CGREF1: variants seen among roughly 807,000 people sequenced by gnomAD.
CGREF1 encodes the protein cell growth regulator with EF hand domain protein 1.
A neutral mutation model predicts 17.4 loss-of-function variants in CGREF1; 16 were observed. The observed-to-expected ratio is 0.92, with a 90% confidence interval of 0.62 to 1.40. CGREF1 has a LOEUF of 1.40. Ranked by LOEUF, CGREF1 falls within the 40% of genes most tolerant of loss-of-function variation. CGREF1 has a pLI of 0.00. For missense variants in CGREF1, 296 were observed against 376.4 expected (o/e 0.79, Z 1.77); for synonymous variants, 142 against 154.6 (o/e 0.92, Z 0.61).
Position 27,100,674 on chromosome 2 carries a change from C to A in CGREF1, c.*600G>T. Reference sequence around the variant, plus strand: ...ACGCAATCTGCCTCAATTTCTTCATCTGTCAAATGGAACCAATTCTGCTTG... The same window carrying A: ...ACGCAATCTGCCTCAATTTCTTCATATGTCAAATGGAACCAATTCTGCTTG... On this transcript the variant is annotated 3_prime_UTR_variant, in exon 6 of 6. Transcript: ENST00000402394. The A allele has an allele frequency of 9.3e-7, 1 of 1,078,076 alleles. No individual in the cohort carries two copies. The allele number at this position is 1,078,076 out of a possible 1,614,324, so 66.8% of individuals were successfully genotyped here.
downstream of CGREF1, chr2:27,099,364 G>A: frequency 6.2e-7 from 1 of 1,612,440 alleles, no homozygotes; most frequent in South Asian, 1.1e-5. Flanking sequence ...GGAGCTGGGA[G>A]GATGGCTGGG....
Position 27,102,023 on chromosome 2 carries a change from T to A in CGREF1, c.342+74A>T. The A allele has an allele frequency of 3.2e-6, 5 of 1,559,774 alleles. No individual in the cohort carries two copies. The South Asian group carries it at 6.0e-5, about 19-fold the overall frequency. ...TTTTACAGAGGACTCACCAAAAGAG[T>A]TATGATGAGAAAGACCAAAGCCCCA... On this transcript the variant is annotated intron_variant, in intron 5 of 5. Coordinates refer to ENST00000402394, the MANE Select transcript of CGREF1 (RefSeq NM_006569.6).
intron 2 of CGREF1, 99 bp from the exon 3 acceptor site, chr2:27,102,690 AC>A: frequency 7.5e-7 from 1 of 1,328,916 alleles, no homozygotes; most frequent in East Asian, 2.4e-5. Flanking sequence ...TTCTCCCCAG[AC>A]CCAAAGGGAG....
At position 27,100,714 on chromosome 2, in the gene CGREF1, G is replaced by T. The variant is rs1472911698; in HGVS notation, c.*560C>A. 3.6e-6 allele frequency: 4 copies of T among 1,121,848 alleles called. No individual in the cohort carries two copies. Among genetic ancestry groups the T allele is most frequent in the Non-Finnish European group, 4.5e-6 (4 of 879,276 alleles). The allele number at this position is 1,121,848 out of a possible 1,614,324, so 69.5% of individuals were successfully genotyped here. ...AATTCTGCTTGGCTACAGAATTATT[G>T]TGAGGATAAAATCATATATAAAATG... On this transcript the variant is annotated 3_prime_UTR_variant, in exon 6 of 6. Coordinates refer to ENST00000402394, the MANE Select transcript of CGREF1 (RefSeq NM_006569.6).
At chr2:27,116,880 T>TCTCTCTCTCTCTCTCC (rs774769722) in intron 1 of CGREF1, among the ~76,000 whole-genome samples, 1 of 46,334 alleles carries the variant, frequency 2.2e-5, no homozygotes, top group Non-Finnish European at 4.5e-5. Flanking sequence ...ATTCTCTCTC[T>TCTCTCTCTCTCTCTCC]CTCTCTCTCT....
chr2:27,104,279 CCT>C lies in CGREF1; in HGVS notation c.80+6_80+7del, dbSNP rs1671030638. 6.4e-7 allele frequency: 1 copy of C among 1,551,598 alleles called. No homozygotes were observed. The highest frequency in any genetic ancestry group is 1.4e-5 in the African/African-American group (1 of 73,114). Reference sequence around the variant, plus strand: ...CAGCCCTTGGCCCTGCCCTCATAACCCTGTTACCTTGTGACTCCATCCTTTGG... The same window carrying C: ...CAGCCCTTGGCCCTGCCCTCATAACCGTTACCTTGTGACTCCATCCTTTGG... On this transcript the variant is annotated splice_donor_region_variant and intron_variant, in intron 2 of 5. Transcript: ENST00000402394.
chr2:27,118,663 T>G (rs1671679370), intron 1 of CGREF1, 183 bp downstream of exon 1: 1 of 152,412 alleles, frequency 6.6e-6, no homozygotes, highest in Admixed American at 6.5e-5. Context: ...TTCCTCCACC[T>G]GCCCTCAGGG....
At chr2:27,104,188 C>T (rs1246971172) in intron 2 of CGREF1, 99 bp downstream of exon 2, 4 of 1,239,876 alleles carry the variant, frequency 3.2e-6, no homozygotes, top group Admixed American at 2.8e-5. Context: ...GGAACCTACA[C>T]CCCAGTCTCC....
intron 2 of CGREF1, among the ~76,000 whole-genome samples, chr2:27,103,925 G>A (rs1671012497): frequency 6.6e-6 from 1 of 152,156 alleles, no homozygotes; most frequent in African/African-American, 2.4e-5. Context: ...GGAGCTCGCA[G>A]TGAGCTGAGA....
intron 1 of CGREF1, among the ~76,000 whole-genome samples, chr2:27,106,522 A>T (rs142238031): frequency 6.6e-6 from 1 of 152,142 alleles, no homozygotes; most frequent in Non-Finnish European, 1.5e-5. Context: ...GCAGCAAAGA[A>T]TTTTGCCTTT....
chr2:27,109,371 TAA>T (rs11314590), intron 1 of CGREF1, among the ~76,000 whole-genome samples: 19 of 133,846 alleles, frequency 1.4e-4, no homozygotes, highest in Admixed American at 2.3e-4. Flanking sequence ...GACCCTGTCT[TAA>T]AAAAAAAAAA....
At chr2:27,102,495 C>CGG (rs750698776) in intron 3 of CGREF1, 31 bp downstream of exon 3, 1 of 1,613,852 alleles carries the variant, frequency 6.2e-7, no homozygotes, top group Non-Finnish European at 8.5e-7. Flanking sequence ...TGGTCTTCTC[C>CGG]CTGAAAGCAC....
chr2:27,103,975 T>G (rs1005992402), intron 2 of CGREF1, among the ~76,000 whole-genome samples: 2 of 151,900 alleles, frequency 1.3e-5, no homozygotes, highest in Non-Finnish European at 2.9e-5. Context: ...AGAGTAAGAC[T>G]CTGTCTCAAG....
intron 1 of CGREF1, among the ~76,000 whole-genome samples, chr2:27,115,235 T>G (rs905155453): frequency 6.6e-6 from 1 of 152,194 alleles, no homozygotes; most frequent in Admixed American, 6.5e-5. Flanking sequence ...CACCGAGCCC[T>G]GCAAATTATG....
chr2:27,105,329 A>G (rs1222165533), intron 1 of CGREF1, among the ~76,000 whole-genome samples: 1 of 152,220 alleles, frequency 6.6e-6, no homozygotes, highest in African/African-American at 2.4e-5. Flanking sequence ...AGCTTTCAGC[A>G]GATTCTCCAA....
chr2:27,110,062 G>T (rs908040745), intron 1 of CGREF1, among the ~76,000 whole-genome samples: 1 of 151,488 alleles, frequency 6.6e-6, no homozygotes, highest in Non-Finnish European at 1.5e-5. Context: ...TGAAAAAGAA[G>T]AAATAAAAAG....
At chr2:27,113,870 C>T (rs778239414) in intron 1 of CGREF1, among the ~76,000 whole-genome samples, 1 of 152,156 alleles carries the variant, frequency 6.6e-6, no homozygotes, top group Non-Finnish European at 1.5e-5. Context: ...TTGCTTTCTC[C>T]ACCCTATCTG....
rs1670835696 is a variant in CGREF1 at position 27,101,442 on chromosome 2, TGCCTGGCCCCC to T, written c.778_788del (p.Gly260ArgfsTer3). ...GCCCGGGGGCATCTCCTTCAGCCTC[TGCCTGGCCCCC>T]AGCTTCCCCTCTGGGCCCGGGGGCA... On this transcript the variant is annotated frameshift_variant, in exon 6 of 6. Coordinates refer to ENST00000402394, the MANE Select transcript of CGREF1 (RefSeq NM_006569.6). LOFTEE classifies it low-confidence loss of function (END_TRUNC). 1 of 1,276,734 alleles carries T rather than the reference TGCCTGGCCCCC, an allele frequency of 7.8e-7. No homozygotes were observed. Among genetic ancestry groups the T allele is most frequent in the African/African-American group, 1.5e-5 (1 of 67,130 alleles). The allele number at this position is 1,276,734 out of a possible 1,614,324, so 79.1% of individuals were successfully genotyped here. A position where few individuals can be genotyped will look rare whatever the true frequency, so the allele number is the denominator to read the frequency against.
chr2:27,110,103 A>C (rs1671303247), intron 1 of CGREF1, among the ~76,000 whole-genome samples: 2 of 152,076 alleles, frequency 1.3e-5, no homozygotes, highest in African/African-American at 4.8e-5. Flanking sequence ...AATGCCTGTA[A>C]TTCCAGCACT....
Sources: gnomAD v4.1 joint callset for allele counts (sites outside exome capture counted in the v4.1 genomes callset) on GRCh38, gnomAD v4.1.1 for gene constraint, MANE v1.5 for transcripts, NCBI Gene and HGNC (gene_info 2026-07-23, HGNC 2026-07-21) for gene names.